Variants in TBC1D12 observed in about 807,000 individuals in gnomAD.
TBC1D12 encodes the protein TBC1 domain family member 12, also known as TBC1 domain family, member 12.
A neutral mutation model predicts 86.7 loss-of-function variants in TBC1D12; 56 were observed. The ratio of observed to expected loss-of-function variants is 0.65; its 90% CI spans 0.52 to 0.81. The LOEUF (loss-of-function observed/expected upper bound fraction) is 0.81. Among genes scored for constraint, TBC1D12 ranks in the 30% least tolerant of loss-of-function variants. TBC1D12 has a pLI of 0.00. For synonymous variants in TBC1D12, 421 were observed against 411.7 expected (o/e 1.02, Z -0.27); for missense variants, 1,023 against 1,038.8 (o/e 0.98, Z 0.21).
chr10:94,463,042 C>T (rs773404951), intron 2 of TBC1D12, among the ~76,000 whole-genome samples: 19 of 152,158 alleles, frequency 1.2e-4, no homozygotes, highest in Non-Finnish European at 2.2e-4. Context: ...TTTCCTCTAA[C>T]TGTGCTTTAG....
chr10:94,517,918 C>T (rs1228993776), intron 9 of TBC1D12, among the ~76,000 whole-genome samples: 2 of 151,998 alleles, frequency 1.3e-5, no homozygotes, highest in East Asian at 3.9e-4. Context: ...TTTGGGAGGC[C>T]GAGGCAGGTG....
At chr10:94,407,189 A>G (rs1838310931) in intron 1 of TBC1D12, among the ~76,000 whole-genome samples, 1 of 152,264 alleles carries the variant, frequency 6.6e-6, no homozygotes, top group Non-Finnish European at 1.5e-5. Flanking sequence ...TTCATTTAGA[A>G]TATGACTGCT....
At chr10:94,462,084 A>G (rs940758947) in intron 2 of TBC1D12, among the ~76,000 whole-genome samples, 1 of 152,170 alleles carries the variant, frequency 6.6e-6, no homozygotes, top group African/African-American at 2.4e-5. Context: ...TTCTATATTC[A>G]TGAGGGATGT....
chr10:94,530,941 C>A (rs1351441033), intron 11 of TBC1D12, among the ~76,000 whole-genome samples: 1 of 150,238 alleles, frequency 6.7e-6, no homozygotes, highest in Non-Finnish European at 1.5e-5. Context: ...CTCGCTGCAA[C>A]CTCCGCCTCC....
At chr10:94,411,822 G>A (rs1047178823) in intron 1 of TBC1D12, among the ~76,000 whole-genome samples, 1 of 152,172 alleles carries the variant, frequency 6.6e-6, no homozygotes, top group Admixed American at 6.5e-5. Context: ...GCTGGGCATG[G>A]TTGTGTGCAC....
chr10:94,488,359 C>T (rs2056199082), intron 3 of TBC1D12, among the ~76,000 whole-genome samples: 1 of 132,328 alleles, frequency 7.6e-6, no homozygotes, highest in Non-Finnish European at 1.6e-5. Flanking sequence ...CTGGGTATTG[C>T]TGTTTGTTAT....
chr10:94,492,828 T>C (rs1014277000), intron 3 of TBC1D12, among the ~76,000 whole-genome samples: 2 of 152,240 alleles, frequency 1.3e-5, no homozygotes, highest in African/African-American at 4.8e-5. Context: ...CACAGGTATA[T>C]ACATTTGTCA....
chr10:94,504,394 A>T (rs2056436131), intron 6 of TBC1D12, among the ~76,000 whole-genome samples: 1 of 152,206 alleles, frequency 6.6e-6, no homozygotes, highest in Admixed American at 6.5e-5. Flanking sequence ...TATTTCCAAC[A>T]TAATTTTCGA....
In TBC1D12 at chr10:94,500,392, A is replaced by T. The variant is rs999201480; in HGVS notation, c.1519+65A>T. On this transcript the variant is annotated intron_variant, in intron 6 of 12. Transcript: ENST00000225235. ...AGCCATCTACAGAGTTACATAGCAGATTAGTAGAGTGACCATTAAAATAAA... is the reference window on the plus strand; with the variant it reads ...AGCCATCTACAGAGTTACATAGCAGTTTAGTAGAGTGACCATTAAAATAAA... 8.2e-6 allele frequency: 11 copies of T among 1,343,170 alleles called. No homozygotes were observed. In the African/African-American group the frequency reaches 1.6e-4, roughly 20 times the overall value. The allele number at this position is 1,343,170 out of a possible 1,614,324, so 83.2% of individuals were successfully genotyped here. A position where few individuals can be genotyped will look rare whatever the true frequency, so the allele number is the denominator to read the frequency against.
chr10:94,493,507 A>C, intron 4 of TBC1D12, 60 bp downstream of exon 4: 1 of 1,177,082 alleles, frequency 8.5e-7, no homozygotes, highest in Non-Finnish European at 1.2e-6. Flanking sequence ...ATGGATGGTA[A>C]AATTCATCAA....
chr10:94,425,587 C>T (rs773772530), intron 1 of TBC1D12, among the ~76,000 whole-genome samples: 5 of 151,276 alleles, frequency 3.3e-5, no homozygotes, highest in African/African-American at 4.9e-5. Flanking sequence ...ATAGAACTCA[C>T]GTTTTTTTTT....
At chr10:94,430,363 A>G (rs1294829777) in intron 1 of TBC1D12, among the ~76,000 whole-genome samples, 1 of 152,204 alleles carries the variant, frequency 6.6e-6, no homozygotes, top group African/African-American at 2.4e-5. Flanking sequence ...ACAATTTTCT[A>G]TAGTGTCAAA....
intron 3 of TBC1D12, among the ~76,000 whole-genome samples, chr10:94,483,984 A>G (rs1437592857): frequency 6.6e-6 from 1 of 152,124 alleles, no homozygotes; most frequent in African/African-American, 2.4e-5. Flanking sequence ...GTCTAGTTTT[A>G]TTCTTCTGCA....
At chr10:94,474,991 T>G (rs931004577) in intron 3 of TBC1D12, among the ~76,000 whole-genome samples, 1 of 152,226 alleles carries the variant, frequency 6.6e-6, no homozygotes, top group African/African-American at 2.4e-5. Context: ...TCTTGCTATG[T>G]TGCCCAGGCT....
At chr10:94,433,110 C>G (rs2055241159) in intron 1 of TBC1D12, among the ~76,000 whole-genome samples, 1 of 152,022 alleles carries the variant, frequency 6.6e-6, no homozygotes, top group Non-Finnish European at 1.5e-5. Context: ...GAGGCTGAGG[C>G]AGGAGAACCG....
chr10:94,429,309 G>C (rs1209707397), intron 1 of TBC1D12, among the ~76,000 whole-genome samples: 5 of 151,436 alleles, frequency 3.3e-5, no homozygotes, highest in Non-Finnish European at 7.4e-5. Flanking sequence ...TAATTTTTAG[G>C]ATTTGTAATA....
chr10:94,531,638 GCTTATTTTAT>G (rs1842420167), intron 12 of TBC1D12, among the ~76,000 whole-genome samples, 178 bp downstream of exon 12: 1 of 113,784 alleles, frequency 8.8e-6, no homozygotes, highest in Non-Finnish European at 2.0e-5. Flanking sequence ...CAAACATAGG[GCTTATTTTAT>G]TTTATTTTAT....
intron 2 of TBC1D12, among the ~76,000 whole-genome samples, chr10:94,467,251 A>C (rs2055837930): frequency 6.6e-6 from 1 of 152,094 alleles, no homozygotes; most frequent in Non-Finnish European, 1.5e-5. Flanking sequence ...TTGTTTTTTA[A>C]GACAGAGTTT....
chr10:94,403,717 C>A (rs2054809813), intron 1 of TBC1D12, 133 bp downstream of exon 1: 2 of 1,105,802 alleles, frequency 1.8e-6, no homozygotes, highest in Admixed American at 3.9e-5. Context: ...CAGCCCCACA[C>A]GCGTCAGGAC....
Sources: allele counts gnomAD v4.1 joint callset (sites outside exome capture counted in the v4.1 genomes callset), GRCh38; gene constraint gnomAD v4.1.1; transcripts MANE v1.5; gene names NCBI Gene and HGNC (gene_info 2026-07-23, HGNC 2026-07-21).